Variants in EDIL3 observed in about 807,000 individuals in gnomAD.
EDIL3 encodes the protein EGF like and discoidin domains 3.
In EDIL3, 37 loss-of-function variants were observed where a neutral mutation model predicts 67.4. The observed-to-expected ratio is 0.55, with a 90% confidence interval of 0.42 to 0.72. The LOEUF is 0.72. EDIL3 is among the 30% of genes least tolerant of loss of function. The probability of loss-of-function intolerance (pLI) is 0.00; values close to 1 mark genes in which losing one functional copy is unlikely to be tolerated. For missense variants in EDIL3, 527 were observed against 586.3 expected (o/e 0.90, Z 1.04); for synonymous variants, 195 against 196.3 (o/e 0.99, Z 0.05).
intron 4 of EDIL3, among the ~76,000 whole-genome samples, chr5:84,160,744 T>TCTTTCCGTTCCTTTC (rs1748589737): frequency 1.0e-5 from 1 of 100,030 alleles, no homozygotes; most frequent in Non-Finnish European, 2.1e-5. Context: ...TCTTTTCTTT[T>TCTTTCCGTTCCTTTC]CTTTCCTTTC....
chr5:84,189,369 G>C (rs1743530999), intron 3 of EDIL3, among the ~76,000 whole-genome samples: 1 of 151,848 alleles, frequency 6.6e-6, no homozygotes, highest in Non-Finnish European at 1.5e-5. Flanking sequence ...CTTGCTGATG[G>C]CAGTAGTTTT....
chr5:84,092,923 G>A (rs1477590896), intron 6 of EDIL3, among the ~76,000 whole-genome samples: 1 of 152,246 alleles, frequency 6.6e-6, no homozygotes, highest in East Asian at 1.9e-4. Context: ...ATCTAGCCTT[G>A]CCTATAAAAG....
chr5:84,137,277 A>G lies in EDIL3; in HGVS notation c.433T>C (p.Cys145Arg). ...TDLVANYSCECPGEFMGRNCQ... is the reference protein window; with the variant it reads ...TDLVANYSCERPGEFMGRNCQ... ...TTTCTTCCCATAAATTCGCCTGGGC[A>G]CTCACAGGAATAGTTAGCAACAAGA... Residue 145 changes from cysteine (C) to arginine (R), a missense_variant, in exon 5 of 11, where the codon TGC becomes CGC. Around this residue, in one of 2 missense-constraint regions of EDIL3, gnomAD observed 494 missense variants for 522.5 expected, o/e 0.95. Coordinates refer to ENST00000296591, the MANE Select transcript of EDIL3 (RefSeq NM_005711.5). 1.9e-6 allele frequency: 3 copies of G among 1,613,614 alleles called. No homozygotes were observed. The highest frequency in any genetic ancestry group is 2.5e-6 in the Non-Finnish European group (3 of 1,179,910).
chr5:83,971,583 T>C (rs1018125833), intron 9 of EDIL3, among the ~76,000 whole-genome samples: 4 of 152,074 alleles, frequency 2.6e-5, no homozygotes, highest in Non-Finnish European at 5.9e-5. Flanking sequence ...CCGTAGAATA[T>C]TTCCCACTTA....
intron 6 of EDIL3, among the ~76,000 whole-genome samples, chr5:84,079,133 T>C (rs76390714): frequency 0.028 from 4,222 of 152,258 alleles, 79 homozygotes; most frequent in Non-Finnish European, 0.043. Flanking sequence ...CAGAGGATCC[T>C]GTAGGGTGTC....
At chr5:84,284,935 T>G (rs546310301) in intron 1 of EDIL3, among the ~76,000 whole-genome samples, 8 of 152,318 alleles carry the variant, frequency 5.3e-5, no homozygotes, top group African/African-American at 1.9e-4. Flanking sequence ...AACTATCATT[T>G]TCAGTGACAT....
chr5:84,011,689 A>G (rs1247082748), intron 9 of EDIL3, among the ~76,000 whole-genome samples: 1 of 152,112 alleles, frequency 6.6e-6, no homozygotes, highest in Non-Finnish European at 1.5e-5. Context: ...CTCTGGTCAC[A>G]GTGGTCTTCT....
chr5:84,165,229 T>C (rs936926243), intron 4 of EDIL3, among the ~76,000 whole-genome samples: 2 of 152,100 alleles, frequency 1.3e-5, no homozygotes, highest in African/African-American at 2.4e-5. Context: ...AATATGTACA[T>C]GGCCGGACAA....
At chr5:84,112,870 A>G (rs1269881463) in intron 5 of EDIL3, among the ~76,000 whole-genome samples, 1 of 152,192 alleles carries the variant, frequency 6.6e-6, no homozygotes, top group Non-Finnish European at 1.5e-5. Flanking sequence ...TGAAAGGTAA[A>G]TAAACAATAC....
intron 9 of EDIL3, among the ~76,000 whole-genome samples, chr5:83,994,239 T>C (rs906646869): frequency 2.0e-5 from 3 of 152,208 alleles, no homozygotes; most frequent in Admixed American, 6.6e-5. Flanking sequence ...ATACTCTGTT[T>C]CAATAATTAC....
At chr5:84,132,943 T>A (rs1394657688) in intron 5 of EDIL3, among the ~76,000 whole-genome samples, 1 of 152,036 alleles carries the variant, frequency 6.6e-6, no homozygotes, top group African/African-American at 2.4e-5. Flanking sequence ...TGTTTGTTTG[T>A]CATAATTGTT....
rs1746728163 is a variant in EDIL3 at position 84,325,013 on chromosome 5, CA to C, written c.67+59294del. Reference sequence around the variant, plus strand: ...AATACAAATATTTTCCATTATTTTCCAAAAAATCGAAGAGGAAGGAGCAACT... The same window carrying C: ...AATACAAATATTTTCCATTATTTTCCAAAAATCGAAGAGGAAGGAGCAACT... On this transcript the variant is annotated intron_variant, in intron 1 of 10. Coordinates refer to ENST00000296591, the MANE Select transcript of EDIL3 (RefSeq NM_005711.5). Among the ~76,000 whole-genome samples the C allele has an allele frequency of 4.6e-5, 7 of 151,540 alleles. No homozygotes were observed. In the South Asian group the frequency reaches 1.5e-3, roughly 32 times the overall value.
chr5:84,288,994 G>T (rs2112115827), intron 1 of EDIL3, among the ~76,000 whole-genome samples: 1 of 152,208 alleles, frequency 6.6e-6, no homozygotes, highest in East Asian at 1.9e-4. Flanking sequence ...GTATAGTGTG[G>T]AGCTAAGAAA....
At chr5:84,179,943 C>T (rs187697428) in intron 4 of EDIL3, among the ~76,000 whole-genome samples, 52 of 151,424 alleles carry the variant, frequency 3.4e-4, no homozygotes, top group African/African-American at 9.0e-4. Flanking sequence ...GATTTTCACA[C>T]TAAAAATGCC....
intron 1 of EDIL3, among the ~76,000 whole-genome samples, chr5:84,261,162 C>T (rs6884676): frequency 0.14 from 21,271 of 152,050 alleles, 1,584 homozygotes; most frequent in Non-Finnish European, 0.15. Context: ...ACAAAATGAG[C>T]CAACTCTAGT....
intron 9 of EDIL3, among the ~76,000 whole-genome samples, chr5:84,055,612 G>GA (rs1194014414): frequency 6.6e-6 from 1 of 151,764 alleles, no homozygotes; most frequent in South Asian, 2.1e-4. Context: ...AAATTTACAA[G>GA]AAAAAAACAA....
intron 1 of EDIL3, among the ~76,000 whole-genome samples, chr5:84,369,882 C>T (rs906433707): frequency 2.0e-5 from 3 of 152,074 alleles, no homozygotes; most frequent in East Asian, 3.9e-4. Context: ...AAAGTACAGA[C>T]GCCAATATGT....
chr5:84,276,559 T>G (rs2112102199), intron 1 of EDIL3, among the ~76,000 whole-genome samples: 1 of 152,228 alleles, frequency 6.6e-6, no homozygotes, highest in East Asian at 1.9e-4. Flanking sequence ...TTGCCATTGC[T>G]TTGATTATAT....
At chr5:84,223,667 T>G (rs1744394429) in intron 3 of EDIL3, among the ~76,000 whole-genome samples, 1 of 151,496 alleles carries the variant, frequency 6.6e-6, no homozygotes, top group South Asian at 2.1e-4. Flanking sequence ...AAAGTTCTTA[T>G]GTAGGATGAA....
Sources: allele counts gnomAD v4.1 joint callset (sites outside exome capture counted in the v4.1 genomes callset), GRCh38; gene constraint gnomAD v4.1.1; regional missense constraint gnomAD v4.1.1; transcripts MANE v1.5; gene names NCBI Gene and HGNC (gene_info 2026-07-23, HGNC 2026-07-21).